CCSER1: variants seen among roughly 807,000 people sequenced by gnomAD.
The protein encoded by CCSER1 is coiled-coil serine rich protein 1.
Under a neutral mutation model 82.0 loss-of-function variants are expected in CCSER1, and 41 were observed. That is an observed-to-expected ratio of 0.50 (90% CI 0.39 to 0.65). CCSER1 has a LOEUF of 0.65. Ranked by LOEUF, CCSER1 falls within the 30% of genes least tolerant of loss-of-function variation. The pLI is 0.00. For missense variants in CCSER1, 1,119 were observed against 1,064.2 expected (o/e 1.05, Z -0.72); for synonymous variants, 414 against 383.9 (o/e 1.08, Z -0.92).
At chr4:90,684,135 TATC>T (rs1353627964) in intron 6 of CCSER1, among the ~76,000 whole-genome samples, 3 of 152,330 alleles carry the variant, frequency 2.0e-5, no homozygotes, top group African/African-American at 7.2e-5. Flanking sequence ...GAAAAGTTGT[TATC>T]ATAGTTACAG....
chr4:90,817,621 A>T (rs1222653431), intron 8 of CCSER1, among the ~76,000 whole-genome samples: 1 of 151,814 alleles, frequency 6.6e-6, no homozygotes, highest in African/African-American at 2.4e-5. Context: ...CATCTTGAAT[A>T]AACAGGAAAA....
intron 9 of CCSER1, among the ~76,000 whole-genome samples, chr4:90,975,946 G>A (rs1735573468): frequency 6.6e-6 from 1 of 151,172 alleles, no homozygotes; most frequent in South Asian, 2.1e-4. Context: ...CCTTTACTGG[G>A]AATTTAGAGT....
chr4:90,797,728 A>G (rs1756236970), intron 7 of CCSER1, among the ~76,000 whole-genome samples: 2 of 152,078 alleles, frequency 1.3e-5, no homozygotes, highest in South Asian at 2.1e-4. Context: ...TCCTCCTCTT[A>G]TGAAGCTTAG....
At chr4:91,199,808 T>G (rs1735756168) in intron 10 of CCSER1, among the ~76,000 whole-genome samples, 1 of 152,004 alleles carries the variant, frequency 6.6e-6, no homozygotes, top group African/African-American at 2.4e-5. Context: ...AATCAGAAAT[T>G]GGACATGTCA....
At chr4:90,896,157 T>C (rs1723677869) in intron 8 of CCSER1, among the ~76,000 whole-genome samples, 1 of 151,828 alleles carries the variant, frequency 6.6e-6, no homozygotes, top group Non-Finnish European at 1.5e-5. Flanking sequence ...ACCCCTAGGG[T>C]CTATAACGGG....
At chr4:90,714,741 CAA>C (rs1741316765) in intron 6 of CCSER1, among the ~76,000 whole-genome samples, 1 of 151,968 alleles carries the variant, frequency 6.6e-6, no homozygotes, top group African/African-American at 2.4e-5. Context: ...TCGAAGCAAA[CAA>C]GAGCAAGATA....
At chr4:91,559,888 T>A (rs1295443495) in intron 10 of CCSER1, among the ~76,000 whole-genome samples, 1 of 151,196 alleles carries the variant, frequency 6.6e-6, no homozygotes, top group African/African-American at 2.4e-5. Flanking sequence ...TTTTGGCCAG[T>A]GGGTGTCATT....
At chr4:90,876,819 C>T (rs1767269855) in intron 8 of CCSER1, among the ~76,000 whole-genome samples, 1 of 152,112 alleles carries the variant, frequency 6.6e-6, no homozygotes, top group South Asian at 2.1e-4. Flanking sequence ...TACTTTCAAT[C>T]AAAATTAACC....
At chr4:91,485,981 G>A (rs1464284741) in intron 10 of CCSER1, among the ~76,000 whole-genome samples, 2 of 151,842 alleles carry the variant, frequency 1.3e-5, no homozygotes, top group Non-Finnish European at 2.9e-5. Flanking sequence ...CATGAAAATT[G>A]GAACTTAAAA....
intron 7 of CCSER1, among the ~76,000 whole-genome samples, chr4:90,813,523 AC>A (rs960254822): frequency 3.9e-5 from 6 of 151,954 alleles, no homozygotes; most frequent in African/African-American, 1.4e-4. Flanking sequence ...TGTGGGAGGA[AC>A]CCCGGGGGAG....
At chr4:90,626,894 G>T (rs1723392025) in intron 5 of CCSER1, among the ~76,000 whole-genome samples, 1 of 152,018 alleles carries the variant, frequency 6.6e-6, no homozygotes, top group African/African-American at 2.4e-5. Flanking sequence ...AGTTAGTAGG[G>T]GGCAAAATCC....
intron 3 of CCSER1, among the ~76,000 whole-genome samples, chr4:90,358,121 AATG>A (rs1744676265): frequency 1.3e-5 from 2 of 152,092 alleles, no homozygotes; most frequent in South Asian, 4.1e-4. Flanking sequence ...GATATTATAA[AATG>A]ATATTTTGAC....
intron 3 of CCSER1, among the ~76,000 whole-genome samples, chr4:90,320,173 G>T (rs1467938853): frequency 6.6e-6 from 1 of 152,058 alleles, no homozygotes; most frequent in African/African-American, 2.4e-5. Flanking sequence ...GGCATTTCTT[G>T]CGGTCATTAA....
At chr4:90,944,554 A>G (rs948046397) in intron 9 of CCSER1, among the ~76,000 whole-genome samples, 1 of 152,192 alleles carries the variant, frequency 6.6e-6, no homozygotes, top group African/African-American at 2.4e-5. Flanking sequence ...GATCTTTAGG[A>G]GAAGTTTTTT....
intron 9 of CCSER1, among the ~76,000 whole-genome samples, chr4:91,017,979 A>G (rs1739582746): frequency 6.6e-6 from 1 of 152,062 alleles, no homozygotes; most frequent in Non-Finnish European, 1.5e-5. Flanking sequence ...TTTTCTAGGA[A>G]CATTTGATTA....
intron 10 of CCSER1, among the ~76,000 whole-genome samples, chr4:91,110,801 A>C (rs1166032296): frequency 6.6e-6 from 1 of 152,010 alleles, no homozygotes; most frequent in Non-Finnish European, 1.5e-5. Context: ...GGTTTACAGC[A>C]AATGATACTG....
chr4:91,450,256 A>T (rs1755800250), intron 10 of CCSER1, among the ~76,000 whole-genome samples: 1 of 152,174 alleles, frequency 6.6e-6, no homozygotes, highest in South Asian at 2.1e-4. Flanking sequence ...CTTAGAAAGC[A>T]TTGTTTAGAA....
intron 9 of CCSER1, among the ~76,000 whole-genome samples, chr4:90,987,190 T>C (rs1333335522): frequency 1.3e-5 from 2 of 151,262 alleles, no homozygotes; most frequent in Non-Finnish European, 3.0e-5. Flanking sequence ...GTCTTTACAG[T>C]TCATCTGTTT....
At chr4:91,253,835 G>T (rs1292732034) in intron 10 of CCSER1, among the ~76,000 whole-genome samples, 1 of 152,100 alleles carries the variant, frequency 6.6e-6, no homozygotes. Context: ...GTCACACATG[G>T]TGCAAGAAGG....
Sources: allele counts gnomAD v4.1 joint callset (sites outside exome capture counted in the v4.1 genomes callset), GRCh38; gene constraint gnomAD v4.1.1; transcripts MANE v1.5; gene names NCBI Gene and HGNC (gene_info 2026-07-23, HGNC 2026-07-21).